The following TTC23 variants were observed in gnomAD, a reference collection of about 807,000 sequenced individuals.
TTC23 encodes tetratricopeptide repeat domain 23.
Under a neutral mutation model 55.1 loss-of-function variants are expected in TTC23, and 58 were observed. That is an observed-to-expected ratio of 1.05 (90% CI 0.85 to 1.31). The LOEUF is 1.31. TTC23 is among the 50% of genes most tolerant of loss of function. The pLI is 0.00. For missense variants in TTC23, 516 were observed against 534.4 expected (o/e 0.97, Z 0.34); for synonymous variants, 203 against 199.9 (o/e 1.02, Z -0.13).
intron 9 of TTC23, among the ~76,000 whole-genome samples, chr15:99,182,547 T>C (rs566967713): frequency 2.0e-5 from 3 of 152,224 alleles, no homozygotes; most frequent in Non-Finnish European, 4.4e-5. Flanking sequence ...CTCTTTGACA[T>C]TTATGTTTTG....
intron 9 of TTC23, among the ~76,000 whole-genome samples, chr15:99,182,687 T>C: frequency 6.6e-6 from 1 of 152,166 alleles, no homozygotes; most frequent in East Asian, 1.9e-4. Context: ...AGAGAAAAAT[T>C]GTTCAGCAAG....
In TTC23 at chr15:99,138,126, C is replaced by T. The variant is rs782789833; in HGVS notation, c.1228G>A (p.Ala410Thr). The T allele has an allele frequency of 1.2e-6, 2 of 1,612,230 alleles. No homozygotes were observed. Among genetic ancestry groups the T allele is most frequent in the South Asian group, 1.1e-5 (1 of 90,974 alleles). Residue 410 changes from alanine (A) to threonine (T), a missense_variant and splice_region_variant, in exon 14 of 14, where the codon GCC (alanine) becomes ACC (threonine). Transcript: ENST00000394132. Reference sequence around the variant, plus strand: ...CTTGGCTTCGAAGCAACCTTGGGGGCCCTGCAGACAAGCAGAGGGTGGGGT... The same window carrying T: ...CTTGGCTTCGAAGCAACCTTGGGGGTCCTGCAGACAAGCAGAGGGTGGGGT... ...TQQAMGMLSTAPKVASKPRQA... is the reference protein window; with the variant it reads ...TQQAMGMLSTTPKVASKPRQA...
At chr15:99,146,041 C>G (rs1555493093) in intron 12 of TTC23, among the ~76,000 whole-genome samples, 3 of 152,306 alleles carry the variant, frequency 2.0e-5, no homozygotes, top group African/African-American at 7.2e-5. Context: ...CCCATGGGTT[C>G]TAATGTCCTT....
Position 99,187,474 on chromosome 15 carries a change from C to CAAA in TTC23, c.760-12322_760-12320dup, listed in dbSNP as rs778180737. Among the ~76,000 whole-genome samples the CAAA allele has an allele frequency of 3.2e-5, 3 of 94,538 alleles. 1 individual carries two copies. Among genetic ancestry groups the CAAA allele is most frequent in the African/African-American group, 8.9e-5 (2 of 22,470 alleles). 62.0% of individuals were successfully genotyped at this position (94,538 alleles called of 152,430 possible). ...AAGCAAAAAAAAAAAAAAAACAAAA[C>CAAA]AAAAGAAACCCAACATAGACAAGTT... On this transcript the variant is annotated intron_variant, in intron 9 of 13. Coordinates refer to ENST00000394132, the MANE Select transcript of TTC23 (RefSeq NM_001288615.3).
At chr15:99,229,541 G>A (rs1335033923) in intron 4 of TTC23, among the ~76,000 whole-genome samples, 2 of 152,210 alleles carry the variant, frequency 1.3e-5, no homozygotes, top group Non-Finnish European at 2.9e-5. Flanking sequence ...AGAGTTGAGA[G>A]TTTGGGGAGA....
intron 8 of TTC23, among the ~76,000 whole-genome samples, chr15:99,203,025 TCA>T (rs1491122928): frequency 6.6e-6 from 1 of 152,200 alleles, no homozygotes; most frequent in Non-Finnish European, 1.5e-5. Context: ...TGCAACAGCC[TCA>T]GTTTGTTCCC....
intron 9 of TTC23, among the ~76,000 whole-genome samples, chr15:99,187,741 T>C (rs2074856329): frequency 6.6e-6 from 1 of 152,032 alleles, no homozygotes; most frequent in Non-Finnish European, 1.5e-5. Context: ...TGAAAAGATG[T>C]GCTACATCAT....
intron 8 of TTC23, among the ~76,000 whole-genome samples, chr15:99,210,202 G>A (rs1204273539): frequency 6.6e-6 from 1 of 151,924 alleles, no homozygotes; most frequent in East Asian, 1.9e-4. Context: ...TTTAGGAAAA[G>A]GTACATTATA....
intron 5 of TTC23, among the ~76,000 whole-genome samples, chr15:99,223,787 G>A (rs914907846): frequency 2.6e-5 from 4 of 152,178 alleles, no homozygotes; most frequent in Non-Finnish European, 5.9e-5. Context: ...ACCCCACTGA[G>A]CTCTGCAAAA....
intron 12 of TTC23, among the ~76,000 whole-genome samples, chr15:99,143,643 T>C (rs1317767720): frequency 6.6e-6 from 1 of 152,216 alleles, no homozygotes; most frequent in Non-Finnish European, 1.5e-5. Flanking sequence ...ATTACATTGC[T>C]CTTATTCTCT....
intron 9 of TTC23, among the ~76,000 whole-genome samples, chr15:99,198,905 A>T (rs1007345819): frequency 1.3e-5 from 2 of 152,230 alleles, no homozygotes; most frequent in African/African-American, 4.8e-5. Context: ...ACAGGAAAAA[A>T]TTATCAGAAA....
rs1555486858 is a variant in TTC23 at position 99,136,469 on chromosome 15, A to C, written c.*1541T>G. On this transcript the variant is annotated 3_prime_UTR_variant, in exon 14 of 14. Coordinates refer to ENST00000394132, the MANE Select transcript of TTC23 (RefSeq NM_001288615.3). Reference sequence around the variant, plus strand: ...AGCTGGGAAGTCTCAAGGTGCCAACAGTTTCATTTCCTGGTGAGGGCTCTC... The same window carrying C: ...AGCTGGGAAGTCTCAAGGTGCCAACCGTTTCATTTCCTGGTGAGGGCTCTC... 1 of 152,276 alleles carries C rather than the reference A, an allele frequency of 6.6e-6. No individual in the cohort carries two copies. The highest frequency in any genetic ancestry group is 1.5e-5 in the Non-Finnish European group (1 of 68,094). The allele number at this position is 152,276 out of a possible 1,614,324, so 9.4% of individuals were successfully genotyped here.
At chr15:99,156,335 C>A (rs2070562622) in intron 11 of TTC23, 38 bp from the exon 12 acceptor site, 1 of 1,608,560 alleles carries the variant, frequency 6.2e-7, no homozygotes, top group Non-Finnish European at 8.5e-7. Context: ...TTAACAAGCT[C>A]AAAGGCTGAT....
rs116354949 is a variant in TTC23 at position 99,221,694 on chromosome 15, C to T, written c.304+47G>A. 4.0e-4 allele frequency: 636 copies of T among 1,609,794 alleles called. 6 individuals carry two copies. In the African/African-American group the frequency reaches 7.4e-3, roughly 19 times the overall value. ...AGTGTGAATCAAATTTTGGGGAGAA[C>T]AGCAGAAATCGACCAACTGATCCCC... On this transcript the variant is annotated intron_variant, in intron 6 of 13. Coordinates refer to ENST00000394132, the MANE Select transcript of TTC23 (RefSeq NM_001288615.3).
intron 9 of TTC23, among the ~76,000 whole-genome samples, chr15:99,189,299 T>C (rs1596508990): frequency 6.6e-6 from 1 of 151,978 alleles, no homozygotes. Context: ...AACTGATAAG[T>C]GTGGATAAAA....
At chr15:99,187,522 T>C (rs1306457985) in intron 9 of TTC23, among the ~76,000 whole-genome samples, 1 of 136,750 alleles carries the variant, frequency 7.3e-6, no homozygotes, top group Non-Finnish European at 1.6e-5. Flanking sequence ...TGAAAAACTT[T>C]TGTGCTTCAA....
chr15:99,172,248 C>T (rs2073046188), intron 10 of TTC23, among the ~76,000 whole-genome samples: 1 of 151,974 alleles, frequency 6.6e-6, no homozygotes, highest in Non-Finnish European at 1.5e-5. Flanking sequence ...GAACTCCTGA[C>T]CTCATGTGAT....
At chr15:99,199,404 CAAAAAAAAAA>C (rs35189767) in intron 9 of TTC23, among the ~76,000 whole-genome samples, 5 of 58,218 alleles carry the variant, frequency 8.6e-5, no homozygotes, top group Non-Finnish European at 1.4e-4. Context: ...CCTGTCTCTC[CAAAAAAAAAA>C]AAAAAAAAAA....
intron 3 of TTC23, among the ~76,000 whole-genome samples, chr15:99,237,578 T>C (rs1019825031): frequency 1.3e-5 from 2 of 152,168 alleles, no homozygotes; most frequent in South Asian, 2.1e-4. Flanking sequence ...TAAATTTCAA[T>C]GAAATCTACT....
Sources: gnomAD v4.1 joint callset for allele counts (sites outside exome capture counted in the v4.1 genomes callset) on GRCh38, gnomAD v4.1.1 for gene constraint, MANE v1.5 for transcripts, NCBI Gene and HGNC (gene_info 2026-07-23, HGNC 2026-07-21) for gene names.